PCSK5: variants seen among roughly 807,000 people sequenced by gnomAD.
PCSK5 encodes the protein prohormone convertase 5.
In PCSK5, 129 loss-of-function variants were observed where a neutral mutation model predicts 233.2. The observed-to-expected ratio is 0.55, with a 90% CI of 0.48 to 0.64. The LOEUF (loss-of-function observed/expected upper bound fraction) is 0.64, where lower values mean the gene tolerates loss of function less well. Ranked by LOEUF, PCSK5 falls within the 30% of genes least tolerant of loss-of-function variation. The probability of loss-of-function intolerance (pLI) is 0.00; values close to 1 mark genes in which losing one functional copy is unlikely to be tolerated. For synonymous variants in PCSK5, 825 were observed against 879.2 expected (o/e 0.94, Z 1.09); for missense variants, 2,076 against 2,430.1 (o/e 0.85, Z 3.06).
chr9:76,021,599 C>T (rs962524362), intron 3 of PCSK5, among the ~76,000 whole-genome samples: 1 of 152,048 alleles, frequency 6.6e-6, no homozygotes, highest in Non-Finnish European at 1.5e-5. Context: ...TGTAGAAGCC[C>T]CTGTTCTCTA....
chr9:76,222,868 A>G (rs776918993), intron 20 of PCSK5, among the ~76,000 whole-genome samples: 1 of 152,222 alleles, frequency 6.6e-6, no homozygotes, highest in East Asian at 1.9e-4. Flanking sequence ...AAACATATAG[A>G]TGTTTTTAAT....
At chr9:76,064,350 G>A (rs1484789789) in intron 5 of PCSK5, among the ~76,000 whole-genome samples, 7 of 112,208 alleles carry the variant, frequency 6.2e-5, no homozygotes, top group Non-Finnish European at 9.3e-5. Flanking sequence ...GCGGCTGGCC[G>A]GGCGGGGGGC....
intron 2 of PCSK5, among the ~76,000 whole-genome samples, chr9:75,949,811 A>G (rs1415721672): frequency 6.6e-6 from 1 of 152,116 alleles, no homozygotes; most frequent in Non-Finnish European, 1.5e-5. Context: ...GGCATGAGCC[A>G]CCGCGCCTGG....
At chr9:76,262,435 A>C (rs2131361455) in intron 24 of PCSK5, among the ~76,000 whole-genome samples, 1 of 152,264 alleles carries the variant, frequency 6.6e-6, no homozygotes, top group Admixed American at 6.5e-5. Flanking sequence ...AGAGATATGG[A>C]TCAATGGAAC....
At chr9:76,152,885 A>T in intron 10 of PCSK5, among the ~76,000 whole-genome samples, 1 of 152,200 alleles carries the variant, frequency 6.6e-6, no homozygotes. Context: ...TGCGCCTAAC[A>T]ATTATCTTCT....
chr9:76,260,499 G>A (rs1024972986), intron 24 of PCSK5, among the ~76,000 whole-genome samples: 2 of 152,196 alleles, frequency 1.3e-5, no homozygotes, highest in East Asian at 1.9e-4. Context: ...ACTGATAGCC[G>A]TGAAGCTGGC....
At chr9:76,276,230 T>TA (rs1278514601) in intron 24 of PCSK5, among the ~76,000 whole-genome samples, 2 of 151,870 alleles carry the variant, frequency 1.3e-5, no homozygotes, top group African/African-American at 2.4e-5. Context: ...TATAAATAAA[T>TA]AAAAAAATAA....
chr9:76,112,436 A>G (rs574061839), intron 9 of PCSK5, among the ~76,000 whole-genome samples: 1 of 152,314 alleles, frequency 6.6e-6, no homozygotes, highest in South Asian at 2.1e-4. Flanking sequence ...CTGCTCTTCT[A>G]CAGTAGAAAT....
At chr9:76,280,075 C>T (rs1827820134) in intron 24 of PCSK5, among the ~76,000 whole-genome samples, 1 of 152,162 alleles carries the variant, frequency 6.6e-6, no homozygotes, top group Non-Finnish European at 1.5e-5. Context: ...TCCAATAGCA[C>T]ATCCTCACTT....
intron 9 of PCSK5, among the ~76,000 whole-genome samples, chr9:76,122,655 T>A (rs60171218): frequency 6.6e-6 from 1 of 152,064 alleles, no homozygotes; most frequent in East Asian, 1.9e-4. Context: ...AACTCTTAAG[T>A]TGATCTGTGA....
chr9:76,090,279 G>T (rs946064674), intron 7 of PCSK5, among the ~76,000 whole-genome samples: 22 of 149,232 alleles, frequency 1.5e-4, no homozygotes, highest in African/African-American at 4.4e-4. Flanking sequence ...TTTTTTTTTT[G>T]AGAAATGTGG....
chr9:76,049,937 C>G (rs1386510961), intron 5 of PCSK5, among the ~76,000 whole-genome samples: 18 of 152,066 alleles, frequency 1.2e-4, no homozygotes, highest in Non-Finnish European at 1.8e-4. Context: ...TTAATAAAAG[C>G]AGATCCATTA....
chr9:76,046,896 G>A (rs1829433268), intron 5 of PCSK5, among the ~76,000 whole-genome samples: 1 of 152,046 alleles, frequency 6.6e-6, no homozygotes, highest in African/African-American at 2.4e-5. Flanking sequence ...TACAGTCTGT[G>A]AACACACTTC....
In PCSK5 at chr9:76,111,465, A is replaced by G. The variant is rs549279179; in HGVS notation, c.1208+4114A>G. On this transcript the variant is annotated intron_variant, in intron 9 of 37. Transcript: ENST00000674117. ...AAGATGCTTCTAAAAATTATGGACG[A>G]TTTTAGAATAAGAAAAAATACTTTA... Among the ~76,000 whole-genome samples the G allele has an allele frequency of 4.9e-4, 75 of 152,310 alleles. 3 individuals carry two copies. The South Asian group carries it at 8.5e-3, about 17-fold the overall frequency.
At position 76,004,737 on chromosome 9, in the gene PCSK5, A is replaced by G. The variant is rs553408575; in HGVS notation, c.411+18492A>G. Among the ~76,000 whole-genome samples, 4 of 152,198 alleles carry G rather than the reference A, an allele frequency of 2.6e-5. No homozygotes were observed. The East Asian group carries it at 5.8e-4, about 22-fold the overall frequency. ...TGGTTCTGAAATTGGCCCTAGTTTG[A>G]TGAGTGGGAGACCTTTCAAGTTGAC... On this transcript the variant is annotated intron_variant, in intron 3 of 37. Coordinates refer to ENST00000674117, the MANE Select transcript of PCSK5 (RefSeq NM_001372043.1).
chr9:76,351,789 G>A (rs958552187), intron 36 of PCSK5, among the ~76,000 whole-genome samples: 6 of 151,432 alleles, frequency 4.0e-5, no homozygotes, highest in African/African-American at 1.5e-4. Context: ...CCAGGCTGGA[G>A]TGCAGTGGCG....
chr9:75,996,108 AAC>A (rs1458261895), intron 3 of PCSK5, among the ~76,000 whole-genome samples: 1 of 152,226 alleles, frequency 6.6e-6, no homozygotes, highest in East Asian at 1.9e-4. Context: ...TTAAATCAAT[AAC>A]ACAAAATAAA....
chr9:76,160,091 G>A (rs1822787827), intron 12 of PCSK5, among the ~76,000 whole-genome samples: 1 of 152,070 alleles, frequency 6.6e-6, no homozygotes, highest in African/African-American at 2.4e-5. Flanking sequence ...AAAGTGCTGG[G>A]ATTACAGGCA....
At chr9:76,316,021 G>C (rs1829019639) in intron 30 of PCSK5, among the ~76,000 whole-genome samples, 1 of 150,862 alleles carries the variant, frequency 6.6e-6, no homozygotes. Context: ...CTTCTGAGAG[G>C]GATCTGAAAA....
Sources: gnomAD v4.1 joint callset for allele counts (sites outside exome capture counted in the v4.1 genomes callset) on GRCh38, gnomAD v4.1.1 for gene constraint, MANE v1.5 for transcripts, NCBI Gene and HGNC (gene_info 2026-07-23, HGNC 2026-07-21) for gene names.